The following RTN4RL2 variants were observed in gnomAD, a reference collection of about 807,000 sequenced individuals.
The protein encoded by RTN4RL2 is reticulon-4 receptor-like 2.
A neutral mutation model predicts 27.8 loss-of-function variants in RTN4RL2; 9 were observed. The observed-to-expected ratio is 0.32, with a 90% CI of 0.20 to 0.57. The LOEUF (loss-of-function observed/expected upper bound fraction) is 0.57, where lower values mean the gene tolerates loss of function less well. Ranked by LOEUF, RTN4RL2 falls within the 20% of genes least tolerant of loss-of-function variation. The probability of loss-of-function intolerance (pLI) is 0.90; values close to 1 mark genes in which losing one functional copy is unlikely to be tolerated. For missense variants in RTN4RL2, 436 were observed against 596.8 expected, an observed-to-expected ratio of 0.73 and a Z score of 2.81; for synonymous variants, 285 against 297.9, an observed-to-expected ratio of 0.96 and a Z score of 0.45.
rs1276289378 is a variant in RTN4RL2, at chr11:57,467,678, T to G, written c.101T>G (p.Leu34Arg). ...LPLAAPSCPM[L>R]CTCYSSPPTV... ...CTGGCGGCCCCCAGCTGCCCCATGC[T>G]CTGCACCTGCTACTCATCCCCGCCC... Residue 34 changes from leucine (L) to arginine (R), a missense_variant, in exon 2 of 3, where the codon CTC becomes CGC. Coordinates refer to ENST00000335099, the MANE Select transcript of RTN4RL2 (RefSeq NM_178570.3). The surrounding 1 kb of genome is among the most constrained non-coding windows in gnomAD (Gnocchi z 5.5). 6.2e-7 allele frequency: 1 copy of G among 1,611,032 alleles called. No individual in the cohort carries two copies. The highest frequency in any genetic ancestry group is 1.1e-5 in the South Asian group (1 of 91,028).
chr11:57,468,755 G>A lies in RTN4RL2; in HGVS notation c.513+665G>A. ...TTCTAGATTCCCATTTTCCAAACCTGTCATCTCAATGCAGGGGAAGAAAGA... is the reference window on the plus strand; with the variant it reads ...TTCTAGATTCCCATTTTCCAAACCTATCATCTCAATGCAGGGGAAGAAAGA... On this transcript the variant is annotated intron_variant, in intron 2 of 2. Coordinates refer to ENST00000335099, the MANE Select transcript of RTN4RL2 (RefSeq NM_178570.3). The A allele has an allele frequency of 2.6e-6, 4 of 1,535,348 alleles. No homozygotes were observed. In the South Asian group the frequency reaches 4.8e-5, roughly 18 times the overall value.
intron 2 of RTN4RL2, among the ~76,000 whole-genome samples, chr11:57,469,660 C>G (rs1425441961): frequency 6.6e-6 from 1 of 152,160 alleles, no homozygotes; most frequent in South Asian, 2.1e-4. Flanking sequence ...ACATTGGTTT[C>G]AGTGAAGTGG....
intron 1 of RTN4RL2, among the ~76,000 whole-genome samples, chr11:57,466,625 C>T (rs991053736): frequency 7.9e-5 from 12 of 152,142 alleles, no homozygotes; most frequent in Admixed American, 2.0e-4. Flanking sequence ...AGGCCCCTCC[C>T]GGCACAAAGA....
At chr11:57,474,986 G>A (rs1943588020) in intron 2 of RTN4RL2, among the ~76,000 whole-genome samples, 1 of 152,092 alleles carries the variant, frequency 6.6e-6, no homozygotes, top group Non-Finnish European at 1.5e-5. Context: ...TCTGGGGGTG[G>A]AGCTGATGCC....
chr11:57,468,713 G>T, intron 2 of RTN4RL2: 1 of 1,536,052 alleles, frequency 6.5e-7, no homozygotes, highest in Non-Finnish European at 8.7e-7. Context: ...CAATGGGACG[G>T]GAGAAGCCCA....
At chr11:57,468,970 G>A (rs1943545090) in intron 2 of RTN4RL2, 1 of 680,662 alleles carries the variant, frequency 1.5e-6, no homozygotes, top group Admixed American at 2.2e-5. Flanking sequence ...AAACCACCCT[G>A]AGAGAAAATC....
rs140250295 is a variant in RTN4RL2 at position 57,467,094 on chromosome 11, A to G, written c.32-515A>G. Among the ~76,000 whole-genome samples, 9 of 152,314 alleles carry G rather than the reference A, an allele frequency of 5.9e-5. No individual in the cohort carries two copies. In the East Asian group the frequency reaches 1.5e-3, roughly 26 times the overall value. On this transcript the variant is annotated intron_variant, in intron 1 of 2. Coordinates refer to ENST00000335099, the MANE Select transcript of RTN4RL2 (RefSeq NM_178570.3). The surrounding 1 kb of genome is among the most constrained non-coding windows in gnomAD (Gnocchi z 5.5). Reference sequence around the variant, plus strand: ...CTTTCTACAATGGCCTTTTGGCATTATTTTTTAATATATGAGAAGCCTCAG... The same window carrying G: ...CTTTCTACAATGGCCTTTTGGCATTGTTTTTTAATATATGAGAAGCCTCAG...
In RTN4RL2 at chr11:57,468,035, G is replaced by A. The variant is rs1943539146; in HGVS notation, c.458G>A (p.Gly153Asp). Residue 153 changes from glycine to aspartate, a missense_variant, in exon 2 of 3, where the codon GGC becomes GAC. Gly to Asp is a moderately conservative substitution (Grantham distance 94, BLOSUM62 -1). Coordinates refer to ENST00000335099, the MANE Select transcript of RTN4RL2 (RefSeq NM_178570.3). ...AGCCTGCCCGGCAACATCTTCCGAG[G>A]CCTGGTCAGCCTGCAGTACCTCTAC... ...LSSLPGNIFR[G>D]LVSLQYLYLQ... 1 of 1,599,866 alleles carries A rather than the reference G, an allele frequency of 6.3e-7. No individual in the cohort carries two copies. The highest frequency in any genetic ancestry group is 8.5e-7 in the Non-Finnish European group (1 of 1,179,838).
chr11:57,461,545 G>A lies in RTN4RL2; in HGVS notation c.31+649G>A, dbSNP rs186323579. ...GGAGGGAGATGGAGCGGGGGAGGGGGAGAAGGAATAAAGGTTAGATGGGAA... is the reference window on the plus strand; with the variant it reads ...GGAGGGAGATGGAGCGGGGGAGGGGAAGAAGGAATAAAGGTTAGATGGGAA... On this transcript the variant is annotated intron_variant, in intron 1 of 2. Transcript: ENST00000335099. Among the ~76,000 whole-genome samples the A allele has an allele frequency of 6.2e-3, 944 of 151,814 alleles. 20 individuals carry two copies. The highest frequency in any genetic ancestry group is 0.054 in the Admixed American group (816 of 15,238).
intron 1 of RTN4RL2, among the ~76,000 whole-genome samples, chr11:57,464,577 G>A (rs1334525407): frequency 6.6e-6 from 1 of 152,222 alleles, no homozygotes; most frequent in African/African-American, 2.4e-5. Flanking sequence ...TGGGCATCAA[G>A]AGACTTTTCT....
In RTN4RL2 at chr11:57,468,848, G is replaced by C. The variant is rs530375029; in HGVS notation, c.513+758G>C. 9.8e-5 allele frequency: 92 copies of C among 941,278 alleles called. No individual in the cohort carries two copies. In the African/African-American group the frequency reaches 1.4e-3, roughly 15 times the overall value. The allele number at this position is 941,278 out of a possible 1,614,324, so 58.3% of individuals were successfully genotyped here. A position where few individuals can be genotyped will look rare whatever the true frequency, so the allele number is the denominator to read the frequency against. Reference sequence around the variant, plus strand: ...GAAAATGGAAGGAATACCAGTAATTGTTATTCATTGTTATTATTATTGATC... The same window carrying C: ...GAAAATGGAAGGAATACCAGTAATTCTTATTCATTGTTATTATTATTGATC... On this transcript the variant is annotated intron_variant, in intron 2 of 2. Transcript: ENST00000335099.
At chr11:57,469,260 T>C (rs1943547486) in intron 2 of RTN4RL2, among the ~76,000 whole-genome samples, 1 of 152,224 alleles carries the variant, frequency 6.6e-6, no homozygotes, top group African/African-American at 2.4e-5. Flanking sequence ...TTCACAGAGA[T>C]ACCATTCCCA....
Position 57,476,727 on chromosome 11 carries a change from A to G in RTN4RL2, c.1079A>G (p.Gln360Arg). The change falls in exon 3 of 3, where the codon CAG becomes CGG. Residue 360 changes from glutamine (Q) to arginine (R), a missense_variant. Around this residue, in one of 3 missense-constraint regions of RTN4RL2, gnomAD observed 365 missense variants for 530.5 expected, o/e 0.69. Transcript: ENST00000335099. This position sits in a 1 kb window ranked among gnomAD's most constrained non-coding sequence, Gnocchi z 8.2. ...CCTGCCGAAGACTCGCGGGGGCGCC[A>G]GGGCGGGGACGCGCCTACTGAGGAC... ...DLPAEDSRGR[Q>R]GGDAPTEDDY... 1 of 1,435,612 alleles carries G rather than the reference A, an allele frequency of 7.0e-7. No homozygotes were observed. Among genetic ancestry groups the G allele is most frequent in the Non-Finnish European group, 9.1e-7 (1 of 1,102,312 alleles). 88.9% of individuals were successfully genotyped at this position (1,435,612 alleles called of 1,614,324 possible). A position where few individuals can be genotyped will look rare whatever the true frequency, so the allele number is the denominator to read the frequency against.
Position 57,466,110 on chromosome 11 carries a change from C to T in RTN4RL2, c.32-1499C>T, listed in dbSNP as rs533320145. Among the ~76,000 whole-genome samples, 189 of 148,016 alleles carry T rather than the reference C, an allele frequency of 1.3e-3. 1 individual carries two copies. Among genetic ancestry groups the T allele is most frequent in the African/African-American group, 4.7e-3 (186 of 39,866 alleles). ...CCGCCTCCCAGGTTCACACCATTAT[C>T]GTGTCTCAGCCTCCCAAGTAGCTGG... On this transcript the variant is annotated intron_variant, in intron 1 of 2. Transcript: ENST00000335099.
chr11:57,468,515 T>C, intron 2 of RTN4RL2: 2 of 1,500,366 alleles, frequency 1.3e-6, no homozygotes, highest in Non-Finnish European at 1.8e-6. Flanking sequence ...TCTGTCTCTT[T>C]CTGTGATCTC....
intron 2 of RTN4RL2, among the ~76,000 whole-genome samples, chr11:57,473,117 G>A (rs1943573594): frequency 2.6e-5 from 4 of 152,192 alleles, no homozygotes; most frequent in Admixed American, 2.6e-4. Context: ...TGCTGACGCC[G>A]ATGATGACGA....
At chr11:57,470,750 T>C (rs959824027) in intron 2 of RTN4RL2, among the ~76,000 whole-genome samples, 2 of 152,200 alleles carry the variant, frequency 1.3e-5, no homozygotes, top group Non-Finnish European at 2.9e-5. Flanking sequence ...ATATATTAGT[T>C]ATTTAGGAGG....
chr11:57,464,637 G>A (rs1320000502), intron 1 of RTN4RL2, among the ~76,000 whole-genome samples: 1 of 152,150 alleles, frequency 6.6e-6, no homozygotes, highest in Non-Finnish European at 1.5e-5. Flanking sequence ...TAAGTCGCTT[G>A]CTCTCTCTGA....
At chr11:57,462,932 G>A (rs1422716171) in intron 1 of RTN4RL2, among the ~76,000 whole-genome samples, 1 of 152,244 alleles carries the variant, frequency 6.6e-6, no homozygotes, top group Non-Finnish European at 1.5e-5. Context: ...CCTTGACCCT[G>A]AATAGCCAAA....
Sources: gnomAD v4.1 joint callset for allele counts (sites outside exome capture counted in the v4.1 genomes callset) on GRCh38, gnomAD v4.1.1 for gene constraint, gnomAD v4.1.1 regional missense constraint, Gnocchi (gnomAD v3.1) non-coding constraint, MANE v1.5 for transcripts, NCBI Gene and HGNC (gene_info 2026-07-23, HGNC 2026-07-21) for gene names.